SNTB1: variants seen among roughly 807,000 people sequenced by gnomAD.
SNTB1 encodes syntrophin beta 1.
In SNTB1, 36 loss-of-function variants were observed where a neutral mutation model predicts 48.9. The ratio of observed to expected loss-of-function variants is 0.74; its 90% CI spans 0.56 to 0.97. The LOEUF is 0.97. SNTB1 is among the 50% of genes least tolerant of loss of function. The pLI is 0.00. For missense variants in SNTB1, 786 were observed against 703.4 expected, an observed-to-expected ratio of 1.12 and a Z score of -1.33; for synonymous variants, 299 against 294.6, an observed-to-expected ratio of 1.01 and a Z score of -0.15.
At chr8:120,757,019 A>T (rs1819329970) in intron 1 of SNTB1, among the ~76,000 whole-genome samples, 1 of 152,190 alleles carries the variant, frequency 6.6e-6, no homozygotes, top group Admixed American at 6.5e-5. Flanking sequence ...TTGGGGTGCC[A>T]GGAATTGATA....
At chr8:120,630,875 A>T (rs761438371) in intron 3 of SNTB1, among the ~76,000 whole-genome samples, 1 of 152,218 alleles carries the variant, frequency 6.6e-6, no homozygotes, top group Non-Finnish European at 1.5e-5. Flanking sequence ...TGAGACAACC[A>T]GGAGCAAAGA....
chr8:120,789,908 C>A (rs560177232), intron 1 of SNTB1, among the ~76,000 whole-genome samples: 8 of 151,922 alleles, frequency 5.3e-5, no homozygotes, highest in African/African-American at 1.7e-4. Flanking sequence ...CACCCTGATA[C>A]CAAAACCAGG....
intron 1 of SNTB1, among the ~76,000 whole-genome samples, chr8:120,755,144 G>T (rs4871127): frequency 0.011 from 710 of 67,136 alleles, 5 homozygotes; most frequent in African/African-American, 0.035. Flanking sequence ...CTGTGGTGTT[G>T]TGTGTGTGTG....
intron 4 of SNTB1, chr8:120,571,495 T>TG (rs1563820286): frequency 3.6e-5 from 11 of 305,468 alleles, no homozygotes; most frequent in African/African-American, 3.2e-4. Context: ...TTTTTTTTTT[T>TG]TTTTTTTTTT....
intron 2 of SNTB1, among the ~76,000 whole-genome samples, chr8:120,683,882 G>C (rs1817981630): frequency 6.6e-6 from 1 of 152,090 alleles, no homozygotes; most frequent in South Asian, 2.1e-4. Context: ...CCAATTAGAG[G>C]ATGCCAACAT....
intron 1 of SNTB1, among the ~76,000 whole-genome samples, chr8:120,715,433 G>GA (rs1193493104): frequency 2.0e-5 from 3 of 152,138 alleles, no homozygotes; most frequent in African/African-American, 2.4e-5. Context: ...ACAGAGCCCA[G>GA]AAAACGATAG....
At chr8:120,697,707 A>G (rs1818234550) in intron 1 of SNTB1, among the ~76,000 whole-genome samples, 1 of 152,238 alleles carries the variant, frequency 6.6e-6, no homozygotes, top group African/African-American at 2.4e-5. Context: ...ACAACGTACC[A>G]TGTGCAAGAA....
intron 2 of SNTB1, among the ~76,000 whole-genome samples, chr8:120,644,400 A>C (rs1817247537): frequency 6.9e-6 from 1 of 145,102 alleles, no homozygotes; most frequent in Non-Finnish European, 1.5e-5. Context: ...CCTATGAGTG[A>C]GAATATGCGA....
intron 3 of SNTB1, among the ~76,000 whole-genome samples, chr8:120,627,655 C>T (rs1232695466): frequency 1.3e-5 from 2 of 152,044 alleles, no homozygotes; most frequent in East Asian, 1.9e-4. Context: ...AAGTGTTGCC[C>T]GGCCTAGGTA....
At chr8:120,762,016 A>G (rs1272945504) in intron 1 of SNTB1, among the ~76,000 whole-genome samples, 1 of 145,456 alleles carries the variant, frequency 6.9e-6, no homozygotes, top group Non-Finnish European at 1.5e-5. Context: ...TGTCTCTGAT[A>G]CATTTTCAAG....
intron 4 of SNTB1, among the ~76,000 whole-genome samples, chr8:120,562,658 C>A (rs1242322966): frequency 6.6e-6 from 1 of 152,148 alleles, no homozygotes; most frequent in Non-Finnish European, 1.5e-5. Context: ...AGCATGGAAA[C>A]CACAGGCTGA....
At chr8:120,597,258 C>A (rs1329089479) in intron 3 of SNTB1, among the ~76,000 whole-genome samples, 1 of 152,238 alleles carries the variant, frequency 6.6e-6, no homozygotes, top group African/African-American at 2.4e-5. Context: ...CGTGGCCCTA[C>A]CAACACCTTG....
intron 6 of SNTB1, among the ~76,000 whole-genome samples, chr8:120,539,564 A>G (rs1815251731): frequency 1.3e-5 from 2 of 152,214 alleles, no homozygotes; most frequent in African/African-American, 4.8e-5. Flanking sequence ...GGAAGGCACC[A>G]TCTGAAGTCT....
intron 1 of SNTB1, among the ~76,000 whole-genome samples, chr8:120,788,333 T>G (rs188115881): frequency 3.9e-5 from 6 of 152,150 alleles, no homozygotes; most frequent in Admixed American, 2.6e-4. Context: ...GAAAACAAAG[T>G]CATTAGGTAA....
At chr8:120,571,511 T>G (rs1293837251) in intron 4 of SNTB1, 2 of 244,688 alleles carry the variant, frequency 8.2e-6, no homozygotes, top group Non-Finnish European at 1.5e-5. Context: ...TTTTTTTTTT[T>G]TTTTGAGACA....
chr8:120,703,843 C>T (rs142738861), intron 1 of SNTB1, among the ~76,000 whole-genome samples: 1 of 152,304 alleles, frequency 6.6e-6, no homozygotes, highest in Non-Finnish European at 1.5e-5. Flanking sequence ...TTACTTACCA[C>T]GTGTTGAACC....
chr8:120,763,621 C>A (rs528022200), intron 1 of SNTB1, among the ~76,000 whole-genome samples: 7 of 152,140 alleles, frequency 4.6e-5, no homozygotes, highest in South Asian at 2.1e-4. Context: ...ATACCATAAA[C>A]AAAGTAAAAA....
Position 120,544,965 on chromosome 8 carries a change from A to G in SNTB1, c.1334-2965T>C, listed in dbSNP as rs556855229. Among the ~76,000 whole-genome samples the G allele has an allele frequency of 2.3e-4, 35 of 152,290 alleles. 1 individual carries two copies. The highest frequency in any genetic ancestry group is 8.2e-4 in the African/African-American group (34 of 41,554). On this transcript the variant is annotated intron_variant, in intron 5 of 6. Transcript: ENST00000517992. ...ATATGTTGCAATAGAAGTTCTGCAA[A>G]ACATCTCATTTTTCATGATTGCATA...
intron 3 of SNTB1, among the ~76,000 whole-genome samples, chr8:120,585,878 A>G (rs1816131318): frequency 6.6e-6 from 1 of 152,270 alleles, no homozygotes; most frequent in African/African-American, 2.4e-5. Flanking sequence ...ACAGTGGGTT[A>G]TGAAACAGCA....
Sources: allele counts gnomAD v4.1 joint callset (sites outside exome capture counted in the v4.1 genomes callset), GRCh38; gene constraint gnomAD v4.1.1; transcripts MANE v1.5; gene names NCBI Gene and HGNC (gene_info 2026-07-23, HGNC 2026-07-21).